The following TRAPPC9 variants were observed in gnomAD, a reference collection of about 807,000 sequenced individuals.
TRAPPC9 encodes the protein trafficking protein particle complex subunit 9.
In TRAPPC9, 83 loss-of-function variants were observed where a neutral mutation model predicts 124.0. That is an observed-to-expected ratio of 0.67 (90% confidence interval 0.56 to 0.80). The LOEUF (loss-of-function observed/expected upper bound fraction) is 0.80, where lower values mean the gene tolerates loss of function less well. TRAPPC9 is among the 30% of genes least tolerant of loss of function. TRAPPC9 has a pLI of 0.00. For missense variants in TRAPPC9, 1,302 were observed against 1,508.3 expected (o/e 0.86, Z 2.27); for synonymous variants, 638 against 617.5 (o/e 1.03, Z -0.49).
intron 17 of TRAPPC9, among the ~76,000 whole-genome samples, chr8:140,146,397 G>A (rs981019529): frequency 3.9e-5 from 6 of 152,238 alleles, no homozygotes; most frequent in African/African-American, 1.4e-4. Context: ...GTTCCAAGTC[G>A]CATTTGGCCA....
intron 18 of TRAPPC9, among the ~76,000 whole-genome samples, chr8:140,008,206 A>T (rs1451830726): frequency 6.6e-6 from 1 of 152,224 alleles, no homozygotes; most frequent in Non-Finnish European, 1.5e-5. Flanking sequence ...CCCTTCCAAC[A>T]AGAGGGTCTA....
intron 17 of TRAPPC9, among the ~76,000 whole-genome samples, chr8:140,025,988 A>T (rs1840123343): frequency 6.6e-6 from 1 of 152,098 alleles, no homozygotes; most frequent in Admixed American, 6.6e-5. Flanking sequence ...CTCTGAACCC[A>T]TTAAACATGG....
At chr8:139,810,425 T>A (rs1824360521) in intron 21 of TRAPPC9, among the ~76,000 whole-genome samples, 1 of 152,176 alleles carries the variant, frequency 6.6e-6, no homozygotes, top group South Asian at 2.1e-4. Flanking sequence ...TTTCAGGGAT[T>A]TCACGAGTTG....
At chr8:139,761,600 C>T (rs974377179) in intron 21 of TRAPPC9, among the ~76,000 whole-genome samples, 5 of 152,074 alleles carry the variant, frequency 3.3e-5, no homozygotes, top group African/African-American at 4.8e-5. Flanking sequence ...CCCAACCCCT[C>T]AGCACAGCTC....
chr8:140,121,064 C>A (rs2060978387), intron 17 of TRAPPC9, among the ~76,000 whole-genome samples: 1 of 152,214 alleles, frequency 6.6e-6, no homozygotes, highest in South Asian at 2.1e-4. Flanking sequence ...GGAACAAAAC[C>A]CAATCACTAG....
intron 21 of TRAPPC9, among the ~76,000 whole-genome samples, chr8:139,838,900 C>T (rs1458486091): frequency 1.3e-5 from 2 of 152,320 alleles, no homozygotes; most frequent in East Asian, 1.9e-4. Context: ...CTGGATGTTA[C>T]CAGGAGTGTA....
At chr8:139,777,292 TG>T (rs1821457834) in intron 21 of TRAPPC9, among the ~76,000 whole-genome samples, 1 of 152,196 alleles carries the variant, frequency 6.6e-6, no homozygotes, top group South Asian at 2.1e-4. Flanking sequence ...GCTTAGTAAA[TG>T]TTTGCTGAAT....
chr8:139,795,057 G>A (rs1362528267), intron 21 of TRAPPC9, among the ~76,000 whole-genome samples: 2 of 152,150 alleles, frequency 1.3e-5, no homozygotes, highest in Non-Finnish European at 2.9e-5. Context: ...GCTTGCTTAG[G>A]CCTCTCAACT....
chr8:140,322,786 T>C (rs2066630072), intron 9 of TRAPPC9, among the ~76,000 whole-genome samples: 1 of 152,278 alleles, frequency 6.6e-6, no homozygotes, highest in Middle Eastern at 3.4e-3. Context: ...CAGTGAGCTA[T>C]GATTACGGGC....
At chr8:139,779,014 T>C (rs1821588098) in intron 21 of TRAPPC9, among the ~76,000 whole-genome samples, 1 of 152,092 alleles carries the variant, frequency 6.6e-6, no homozygotes. Context: ...AATTTGCCAT[T>C]AAAAGTAATG....
intron 19 of TRAPPC9, among the ~76,000 whole-genome samples, chr8:139,915,723 G>C (rs1388540581): frequency 6.6e-6 from 1 of 152,188 alleles, no homozygotes; most frequent in Non-Finnish European, 1.5e-5. Flanking sequence ...AATGGGCAGA[G>C]GGGACAAGAG....
At chr8:140,125,138 G>T (rs532309168) in intron 17 of TRAPPC9, among the ~76,000 whole-genome samples, 2 of 152,330 alleles carry the variant, frequency 1.3e-5, no homozygotes, top group Admixed American at 1.3e-4. Flanking sequence ...GCAGGAGCTG[G>T]GCCGATGGTG....
intron 15 of TRAPPC9, among the ~76,000 whole-genome samples, chr8:140,261,232 A>T (rs891149535): frequency 6.6e-6 from 1 of 152,190 alleles, no homozygotes; most frequent in Non-Finnish European, 1.5e-5. Context: ...TTTACATTCT[A>T]TTGCTGCCCA....
chr8:139,912,452 C>G (rs1386150594), intron 19 of TRAPPC9, among the ~76,000 whole-genome samples: 1 of 152,182 alleles, frequency 6.6e-6, no homozygotes, highest in Non-Finnish European at 1.5e-5. Flanking sequence ...AGAAAAAGAC[C>G]TGACAAACAT....
chr8:140,328,315 T>C (rs1563948760), intron 9 of TRAPPC9, among the ~76,000 whole-genome samples: 2 of 152,088 alleles, frequency 1.3e-5, no homozygotes, highest in Non-Finnish European at 2.9e-5. Flanking sequence ...ACAGTATCAC[T>C]TACAAGCTCA....
chr8:139,926,610 A>AAG (rs1554674022), intron 19 of TRAPPC9, among the ~76,000 whole-genome samples: 1 of 151,390 alleles, frequency 6.6e-6, no homozygotes, highest in South Asian at 2.1e-4. Flanking sequence ...ATTAAAATAA[A>AAG]AAAAAAAAAA....
chr8:140,047,116 G>C (rs1033855268), intron 17 of TRAPPC9, among the ~76,000 whole-genome samples: 113 of 152,294 alleles, frequency 7.4e-4, no homozygotes, highest in African/African-American at 2.7e-3. Flanking sequence ...CCTGGGCCCC[G>C]CCAGCCTCTC....
intron 21 of TRAPPC9, among the ~76,000 whole-genome samples, chr8:139,826,585 C>T (rs777439049): frequency 3.9e-5 from 6 of 152,136 alleles, no homozygotes; most frequent in East Asian, 1.9e-4. Flanking sequence ...GAGGGGATAG[C>T]GGAGACCTTG....
chr8:140,356,760 C>A (rs542694692), intron 9 of TRAPPC9, among the ~76,000 whole-genome samples: 3 of 152,136 alleles, frequency 2.0e-5, no homozygotes, highest in South Asian at 2.1e-4. Context: ...CAGGCGTGCA[C>A]CACCTCGCCC....
Sources: allele counts gnomAD v4.1 joint callset (sites outside exome capture counted in the v4.1 genomes callset), GRCh38; gene constraint gnomAD v4.1.1; transcripts MANE v1.5; gene names NCBI Gene and HGNC (gene_info 2026-07-23, HGNC 2026-07-21).